The following PTPN13 variants were observed in gnomAD, a reference collection of about 807,000 sequenced individuals.
PTPN13 encodes the protein protein tyrosine phosphatase non-receptor type 13.
PTPN13 carries 191 observed loss-of-function variants against 284.0 expected under a neutral mutation model. The observed-to-expected ratio is 0.67, with a 90% CI of 0.60 to 0.76. PTPN13 has a LOEUF of 0.76. Ranked by LOEUF, PTPN13 falls within the 30% of genes least tolerant of loss-of-function variation. The pLI is 0.00. For synonymous variants in PTPN13, 986 were observed against 1,022.3 expected, an observed-to-expected ratio of 0.96 and a Z score of 0.68; for missense variants, 2,797 against 2,939.9, an observed-to-expected ratio of 0.95 and a Z score of 1.12.
chr4:86,787,449 G>A (rs757435339), intron 40 of PTPN13, among the ~76,000 whole-genome samples: 6 of 151,776 alleles, frequency 4.0e-5, no homozygotes, highest in Middle Eastern at 3.5e-3. Context: ...AAAATTAGCC[G>A]GGCAAGGTGG....
intron 15 of PTPN13, 111 bp downstream of exon 15, chr4:86,735,857 A>G (rs1735435069): frequency 3.2e-6 from 3 of 924,748 alleles, no homozygotes; most frequent in Non-Finnish European, 4.7e-6. Context: ...TACTGTGCAT[A>G]ATCTCATCTC....
chr4:86,732,560 T>G, intron 11 of PTPN13, 32 bp from the exon 12 acceptor site: 1 of 1,600,100 alleles, frequency 6.2e-7, no homozygotes, highest in East Asian at 2.2e-5. Flanking sequence ...AATGCTTATT[T>G]TAATAAATGC....
chr4:86,787,459 G>C (rs1742064315), intron 40 of PTPN13, among the ~76,000 whole-genome samples: 1 of 152,110 alleles, frequency 6.6e-6, no homozygotes, highest in African/African-American at 2.4e-5. Flanking sequence ...GGGCAAGGTG[G>C]TACATGCCTG....
chr4:86,721,607 A>G (rs1030155946), intron 9 of PTPN13, among the ~76,000 whole-genome samples: 4 of 152,016 alleles, frequency 2.6e-5, no homozygotes, highest in Admixed American at 1.3e-4. Flanking sequence ...CTAACACCCA[A>G]GAGACTTCAA....
At chr4:86,621,945 T>C (rs1221687576) in intron 1 of PTPN13, among the ~76,000 whole-genome samples, 2 of 152,178 alleles carry the variant, frequency 1.3e-5, no homozygotes, top group Admixed American at 1.3e-4. Flanking sequence ...TGTGTCGAGT[T>C]CTGTCCTTAA....
chr4:86,666,508 A>G (rs1277062297), intron 2 of PTPN13, among the ~76,000 whole-genome samples: 1 of 152,222 alleles, frequency 6.6e-6, no homozygotes, highest in African/African-American at 2.4e-5. Context: ...ATTTCAATTA[A>G]TTATAATGGC....
At chr4:86,608,941 C>T (rs533690045) in intron 1 of PTPN13, among the ~76,000 whole-genome samples, 1 of 152,234 alleles carries the variant, frequency 6.6e-6, no homozygotes, top group African/African-American at 2.4e-5. Flanking sequence ...CTTTTCTTCT[C>T]CTTTGAATTG....
intron 19 of PTPN13, 56 bp from the exon 20 acceptor site, chr4:86,752,953 C>A (rs549512258): frequency 2.4e-6 from 3 of 1,265,072 alleles, no homozygotes; most frequent in Non-Finnish European, 3.4e-6. Flanking sequence ...GAAATCACTT[C>A]GATATCTAGC....
At chr4:86,786,687 T>C (rs568401063) in intron 40 of PTPN13, among the ~76,000 whole-genome samples, 1 of 152,310 alleles carries the variant, frequency 6.6e-6, no homozygotes, top group Non-Finnish European at 1.5e-5. Flanking sequence ...TTTCTGAACA[T>C]TTTAAGTCAT....
In PTPN13 at chr4:86,727,723, G is replaced by A. The variant is rs1044496414; in HGVS notation, c.1609-4677G>A. Reference sequence around the variant, plus strand: ...CTCTCTTTTCTTCTTTATTAGTCTTGCTAGCAGTACATCAATTTTGTTGAT... The same window carrying A: ...CTCTCTTTTCTTCTTTATTAGTCTTACTAGCAGTACATCAATTTTGTTGAT... On this transcript the variant is annotated intron_variant, in intron 10 of 47. Coordinates refer to ENST00000411767, the MANE Select transcript of PTPN13 (RefSeq NM_080683.3). Among the ~76,000 whole-genome samples, 4 of 148,892 alleles carry A rather than the reference G, an allele frequency of 2.7e-5. 1 individual carries two copies. Among genetic ancestry groups the A allele is most frequent in the Non-Finnish European group, 6.0e-5 (4 of 66,442 alleles).
intron 1 of PTPN13, among the ~76,000 whole-genome samples, chr4:86,600,590 C>T (rs760575718): frequency 2.6e-5 from 4 of 151,550 alleles, no homozygotes; most frequent in Non-Finnish European, 5.9e-5. Flanking sequence ...GTAATAGAGT[C>T]TGTGGAACAA....
At chr4:86,708,822 C>T (rs898720877) in intron 7 of PTPN13, among the ~76,000 whole-genome samples, 2 of 152,058 alleles carry the variant, frequency 1.3e-5, no homozygotes, top group Non-Finnish European at 2.9e-5. Flanking sequence ...GGATAAAATT[C>T]TAGCTCCTTG....
At chr4:86,764,748 A>C in intron 25 of PTPN13, 24 bp downstream of exon 25, 3 of 1,586,196 alleles carry the variant, frequency 1.9e-6, no homozygotes, top group Non-Finnish European at 2.6e-6. Flanking sequence ...AGGTTTTCAA[A>C]TGTTTTCTCT....
chr4:86,636,608 A>G (rs1267793010), intron 2 of PTPN13, among the ~76,000 whole-genome samples: 1 of 152,184 alleles, frequency 6.6e-6, no homozygotes, highest in Non-Finnish European at 1.5e-5. Context: ...AGGCAGAAAT[A>G]AAGATGTTCT....
At chr4:86,803,637 T>C in intron 42 of PTPN13, 72 bp from the exon 43 acceptor site, 1 of 1,465,102 alleles carries the variant, frequency 6.8e-7, no homozygotes, top group Non-Finnish European at 9.5e-7. Context: ...GAGGTGAACA[T>C]AGGCTGAAAT....
chr4:86,660,325 A>T, intron 2 of PTPN13, among the ~76,000 whole-genome samples: 1 of 152,182 alleles, frequency 6.6e-6, no homozygotes, highest in East Asian at 1.9e-4. Flanking sequence ...GGTAGAAACA[A>T]AGGAGAATAA....
intron 14 of PTPN13, among the ~76,000 whole-genome samples, chr4:86,735,322 A>G (rs1735376318): frequency 6.6e-6 from 1 of 152,198 alleles, no homozygotes; most frequent in African/African-American, 2.4e-5. Flanking sequence ...GTGCTGCTGG[A>G]GCAGCATCCT....
At chr4:86,603,700 G>A (rs78463816) in intron 1 of PTPN13, among the ~76,000 whole-genome samples, 7,052 of 151,898 alleles carry the variant, frequency 0.046, 221 homozygotes, top group African/African-American at 0.06. Flanking sequence ...TACATTATAT[G>A]TTTTACATGT....
chr4:86,752,974 CT>C, intron 19 of PTPN13, 34 bp from the exon 20 acceptor site: 1 of 1,502,442 alleles, frequency 6.7e-7, no homozygotes, highest in Non-Finnish European at 9.1e-7. Flanking sequence ...ATCTGACCAT[CT>C]TATGAAATGT....
Sources: allele counts gnomAD v4.1 joint callset (sites outside exome capture counted in the v4.1 genomes callset), GRCh38; gene constraint gnomAD v4.1.1; transcripts MANE v1.5; gene names NCBI Gene and HGNC (gene_info 2026-07-23, HGNC 2026-07-21).